SYN1: variants seen among roughly 807,000 people sequenced by gnomAD.
The protein encoded by SYN1 is synapsin-1.
A neutral mutation model predicts 44.6 loss-of-function variants in SYN1; 8 were observed. That is an observed-to-expected ratio of 0.18 (90% confidence interval 0.11 to 0.32). The LOEUF is 0.32. Among genes scored for constraint, SYN1 ranks in the 10% least tolerant of loss-of-function variants. The pLI is 1.00. For missense variants in SYN1, 451 were observed against 639.4 expected, an observed-to-expected ratio of 0.71 and a Z score of 3.18; for synonymous variants, 275 against 280.1, an observed-to-expected ratio of 0.98 and a Z score of 0.18.
chrX:47,610,534 T>C (rs2057913780), intron 1 of SYN1, among the ~76,000 whole-genome samples: 1 of 104,254 alleles, frequency 9.6e-6, no homozygotes, highest in Non-Finnish European at 2.0e-5. Flanking sequence ...ACTGGACAGG[T>C]TCTAGGCTTG....
At chrX:47,619,131 G>A (rs2057939647) in intron 1 of SYN1, among the ~76,000 whole-genome samples, 1 of 110,945 alleles carries the variant, frequency 9.0e-6, no homozygotes, top group South Asian at 3.8e-4. Context: ...TACGCAGCAG[G>A]TGCCTGATAA....
chrX:47,611,293 G>C (rs1038864576), intron 1 of SYN1, among the ~76,000 whole-genome samples: 1 of 111,851 alleles, frequency 8.9e-6, no homozygotes, highest in African/African-American at 3.3e-5. Flanking sequence ...AAGGATGCAG[G>C]GGTGTTGGTC....
At chrX:47,594,138 G>A (rs1321945931) in intron 5 of SYN1, among the ~76,000 whole-genome samples, 1 of 110,257 alleles carries the variant, frequency 9.1e-6, no homozygotes, top group Non-Finnish European at 1.9e-5. Context: ...GGAGGCTGAG[G>A]TGGGAAGGTT....
intron 5 of SYN1, among the ~76,000 whole-genome samples, chrX:47,601,995 T>C (rs2057881108): frequency 8.9e-6 from 1 of 112,513 alleles, no homozygotes; most frequent in Non-Finnish European, 1.9e-5. Context: ...CATTTGACAA[T>C]GTCCAACATC....
chrX:47,573,939 C>G (rs888349639), intron 12 of SYN1, 63 bp downstream of exon 12: 78 of 1,034,131 alleles, frequency 7.5e-5, no homozygotes, highest in Non-Finnish European at 8.0e-5. Context: ...TAGGGCTGCT[C>G]TACTGGGGCA....
At chrX:47,591,148 G>A (rs1233234699) in intron 5 of SYN1, among the ~76,000 whole-genome samples, 1 of 112,333 alleles carries the variant, frequency 8.9e-6, no homozygotes, top group Non-Finnish European at 1.9e-5. Flanking sequence ...GCCTCCCAAA[G>A]TGCTGGGATT....
At chrX:47,580,888 C>G (rs1266051201) in intron 5 of SYN1, among the ~76,000 whole-genome samples, 1 of 109,547 alleles carries the variant, frequency 9.1e-6, no homozygotes, top group East Asian at 2.9e-4. Flanking sequence ...GAGCTGAGAT[C>G]GCGCCACTGC....
At chrX:47,618,981 T>C (rs901688228) in intron 1 of SYN1, among the ~76,000 whole-genome samples, 10 of 110,637 alleles carry the variant, frequency 9.0e-5, no homozygotes, top group Non-Finnish European at 1.9e-4. Flanking sequence ...AGGTACTAGA[T>C]AAGTGCTCAC....
rs2057772069 is a variant in SYN1, at chrX:47,574,747, C to T, written c.1334G>A (p.Gly445Asp). ...QTPSPGALPL[G>D]RQTSQQPAGP... ...TGCGGGCTGCTGGGAGGTCTGGCGG[C>T]CCAAGGGCAGGGCCCCTGGGGACGG... is the stretch of plus-strand genomic sequence containing the variant. The change falls in exon 11 of 13, where the codon GGC becomes GAC. Residue 445 changes from glycine to aspartate, a missense_variant. Gly to Asp is a moderately conservative substitution (Grantham distance 94, BLOSUM62 -1). Around this residue, in one of 3 missense-constraint regions of SYN1, gnomAD observed 315 missense variants for 451.4 expected, o/e 0.70. Coordinates refer to ENST00000295987, the MANE Select transcript of SYN1 (RefSeq NM_006950.3). 8.4e-7 allele frequency: 1 copy of T among 1,189,408 alleles called. No homozygotes were observed. The highest frequency in any genetic ancestry group is 1.1e-6 in the Non-Finnish European group (1 of 884,821).
intron 5 of SYN1, among the ~76,000 whole-genome samples, chrX:47,603,907 T>TATATA (rs369551187): frequency 2.4e-5 from 2 of 82,940 alleles, no homozygotes; most frequent in South Asian, 5.8e-4. Context: ...TATATATATA[T>TATATA]TTTTTTTTTT....
chrX:47,575,105 T>C, intron 10 of SYN1, 23 bp downstream of exon 10: 1 of 1,182,862 alleles, frequency 8.5e-7, no homozygotes, highest in Non-Finnish European at 1.1e-6. Context: ...CTCAAGCCAC[T>C]AGCTCAGCGC....
intron 1 of SYN1, 47 bp downstream of exon 1, chrX:47,619,305 G>A (rs771957827): frequency 1.7e-6 from 2 of 1,197,235 alleles, no homozygotes; most frequent in Non-Finnish European, 2.2e-6. Flanking sequence ...GCAGAAGAAC[G>A]ATCTGGGGAC....
At chrX:47,590,591 C>T (rs1423969306) in intron 5 of SYN1, among the ~76,000 whole-genome samples, 5 of 111,729 alleles carry the variant, frequency 4.5e-5, no homozygotes, top group African/African-American at 1.6e-4. Context: ...CCCTCCAGGT[C>T]CTTTGAGGGA....
intron 5 of SYN1, among the ~76,000 whole-genome samples, chrX:47,580,492 G>A (rs748001766): frequency 1.2e-4 from 13 of 109,741 alleles, no homozygotes; most frequent in South Asian, 8.0e-4. Context: ...TTAGCCAGGC[G>A]TGGTGGCGTG....
intron 1 of SYN1, among the ~76,000 whole-genome samples, chrX:47,618,068 C>T (rs4824626): frequency 0.37 from 40,521 of 110,768 alleles, 5,856 homozygotes; most frequent in African/African-American, 0.53. Flanking sequence ...AGGTACACAG[C>T]AGGTGCTCCA....
At chrX:47,617,454 T>C (rs1211576202) in intron 1 of SYN1, among the ~76,000 whole-genome samples, 2 of 111,859 alleles carry the variant, frequency 1.8e-5, no homozygotes, top group Non-Finnish European at 3.8e-5. Context: ...AGTAAAACTA[T>C]TAAGTAAAAG....
chrX:47,602,605 G>T (rs1363428917), intron 5 of SYN1, among the ~76,000 whole-genome samples: 2 of 109,604 alleles, frequency 1.8e-5, no homozygotes, highest in Non-Finnish European at 3.8e-5. Flanking sequence ...TTGTGCCACT[G>T]CACTCCAGCC....
rs1294224206 is a variant in SYN1 at position 47,619,545 on chromosome X, A to C, written c.184T>G (p.Ser62Ala). ...ERSSGVAPAASPAAPSPGSSG... is the reference protein window; with the variant it reads ...ERSSGVAPAAAPAAPSPGSSG... ...GACCCGGGGCTAGGGGCGGCCGGAG[A>C]GGCCGCTGGGGCGACCCCGGAGGAC... Residue 62 changes from serine (S) to alanine (A), a missense_variant, in exon 1 of 13, where the codon TCT (serine) becomes GCT (alanine). Ser to Ala is a moderately conservative substitution (Grantham distance 99). Around this residue, in one of 3 missense-constraint regions of SYN1, gnomAD observed 315 missense variants for 451.4 expected, o/e 0.70. Coordinates refer to ENST00000295987, the MANE Select transcript of SYN1 (RefSeq NM_006950.3). 8.4e-7 allele frequency: 1 copy of C among 1,187,110 alleles called. No homozygotes were observed. Among genetic ancestry groups the C allele is most frequent in the African/African-American group, 1.8e-5 (1 of 56,124 alleles).
intron 1 of SYN1, among the ~76,000 whole-genome samples, chrX:47,608,084 C>T (rs1420444717): frequency 9.0e-6 from 1 of 111,223 alleles, no homozygotes; most frequent in Non-Finnish European, 1.9e-5. Context: ...TGCCTGTAGT[C>T]CCAGCTACTG....
Sources: allele counts gnomAD v4.1 joint callset (sites outside exome capture counted in the v4.1 genomes callset), GRCh38; gene constraint gnomAD v4.1.1; regional missense constraint gnomAD v4.1.1; transcripts MANE v1.5; gene names NCBI Gene and HGNC (gene_info 2026-07-23, HGNC 2026-07-21).